The following RAD21 variants were observed in gnomAD, a reference collection of about 807,000 sequenced individuals.
RAD21 encodes the protein double-strand-break repair protein rad21 homolog.
Under a neutral mutation model 71.5 loss-of-function variants are expected in RAD21, and 18 were observed. The ratio of observed to expected loss-of-function variants is 0.25; its 90% confidence interval spans 0.17 to 0.37. The LOEUF (loss-of-function observed/expected upper bound fraction) is 0.37. Among genes scored for constraint, RAD21 ranks in the 10% least tolerant of loss-of-function variants. The probability of loss-of-function intolerance (pLI) is 1.00; values close to 1 mark genes in which losing one functional copy is unlikely to be tolerated. For synonymous variants in RAD21, 248 were observed against 254.0 expected, an observed-to-expected ratio of 0.98 and a Z score of 0.22; for missense variants, 493 against 769.1, an observed-to-expected ratio of 0.64 and a Z score of 4.25.
At position 116,858,452 on chromosome 8, in the gene RAD21, G is replaced by A. The variant is rs778317165; in HGVS notation, c.381C>T (p.Ile127=). The A allele has an allele frequency of 3.2e-5, 51 of 1,609,566 alleles. 1 individual carries two copies. Among genetic ancestry groups the A allele is most frequent in the African/African-American group, 8.0e-5 (6 of 74,700 alleles). Residue 127 remains isoleucine, a synonymous_variant, in exon 5 of 14, where the codon ATC becomes ATT. Transcript: ENST00000297338. ...TCAAGCTGAACTGCTGGGCCACATC[G>A]ATGTCACTTTAAAAGAAGGTCAAAT... ...FDQPLPDLDD[I]DVAQQFSLNQ...
chr8:116,856,362 G>C (rs2130467256), intron 7 of RAD21, 74 bp from the exon 8 acceptor site: 1 of 1,343,800 alleles, frequency 7.4e-7, no homozygotes, highest in Non-Finnish European at 9.7e-7. Flanking sequence ...AAATGGGGAG[G>C]AGAAAAATCT....
At chr8:116,852,214 A>C (rs1452723103) in intron 10 of RAD21, 118 bp from the exon 11 acceptor site, 2 of 1,005,162 alleles carry the variant, frequency 2.0e-6, no homozygotes, top group Non-Finnish European at 1.4e-6. Context: ...TTAATGAAGA[A>C]GGCCAGATAA....
At chr8:116,852,233 C>A in intron 10 of RAD21, 137 bp from the exon 11 acceptor site, 1 of 881,798 alleles carries the variant, frequency 1.1e-6, no homozygotes, top group Non-Finnish European at 1.6e-6. Context: ...AAAATTTTAG[C>A]TCCATAAAGA....
chr8:116,873,314 A>G (rs1256063247), intron 1 of RAD21, among the ~76,000 whole-genome samples: 2 of 152,216 alleles, frequency 1.3e-5, no homozygotes, highest in Middle Eastern at 3.2e-3. Context: ...TGTCACCTCA[A>G]CTATACAAAC....
intron 3 of RAD21, among the ~76,000 whole-genome samples, chr8:116,862,298 T>A (rs1812606938): frequency 6.9e-6 from 1 of 145,188 alleles, no homozygotes; most frequent in East Asian, 1.9e-4. Flanking sequence ...GGAGAAAGAA[T>A]TACACAATTT....
intron 8 of RAD21, 68 bp downstream of exon 8, chr8:116,856,098 G>GAA: frequency 6.5e-7 from 1 of 1,527,518 alleles, no homozygotes; most frequent in African/African-American, 1.4e-5. Flanking sequence ...CAGATCAGTA[G>GAA]ACAGGCAAAA....
chr8:116,857,473 C>T lies in RAD21; in HGVS notation c.482G>A (p.Gly161Asp). 6.2e-7 allele frequency: 1 copy of T among 1,611,398 alleles called. No homozygotes were observed. The highest frequency in any genetic ancestry group is 1.7e-5 in the Admixed American group (1 of 59,776). Residue 161 changes from glycine to aspartate, a missense_variant and splice_region_variant, in exon 6 of 14, where the codon GGT (glycine) becomes GAT (aspartate). Gly to Asp is a moderately conservative substitution (Grantham distance 94, BLOSUM62 -1). Coordinates refer to ENST00000297338, the MANE Select transcript of RAD21 (RefSeq NM_006265.3). ...CTCACGATCATCCATTCCAAAATCA[C>T]CTAAACAAATTTTAATTTGTCATTA... Reference protein sequence around the residue: ...NISILQENDFGDFGMDDREIM... With the variant: ...NISILQENDFDDFGMDDREIM...
chr8:116,863,130 C>T lies in RAD21; in HGVS notation c.274G>A (p.Gly92Ser). 6.2e-7 allele frequency: 1 copy of T among 1,600,030 alleles called. No homozygotes were observed. Among genetic ancestry groups the T allele is most frequent in the East Asian group, 2.2e-5 (1 of 44,710 alleles). ...AAAAACCAAACAAGTTTAACAATAC[C>T]TGGCCGAAAAGCCATCTTTATCTTA... ...FIKIKMAFRP[G>S]VVDLPEENRE... Residue 92 changes from glycine (G) to serine (S), a missense_variant and splice_region_variant, in exon 3 of 14, where the codon GGT (glycine) becomes AGT (serine). Gly to Ser is a moderately conservative substitution (Grantham distance 56). Coordinates refer to ENST00000297338, the MANE Select transcript of RAD21 (RefSeq NM_006265.3).
intron 6 of RAD21, 23 bp downstream of exon 6, chr8:116,857,244 G>A (rs1282842031): frequency 6.3e-7 from 1 of 1,580,928 alleles, no homozygotes; most frequent in East Asian, 2.2e-5. Flanking sequence ...GTTTATGCTG[G>A]AATAACCATC....
chr8:116,855,512 T>A (rs1218759512), intron 8 of RAD21, among the ~76,000 whole-genome samples: 1 of 152,156 alleles, frequency 6.6e-6, no homozygotes, highest in Non-Finnish European at 1.5e-5. Flanking sequence ...AAAAATTTCT[T>A]TTTTCAGAAT....
At chr8:116,852,118 G>C in intron 10 of RAD21, 22 bp from the exon 11 acceptor site, 2 of 1,584,964 alleles carry the variant, frequency 1.3e-6, no homozygotes, top group South Asian at 1.1e-5. Flanking sequence ...CATATGAAGA[G>C]AAAACATAGG....
chr8:116,871,388 T>C (rs1347085182), intron 1 of RAD21, among the ~76,000 whole-genome samples: 2 of 152,168 alleles, frequency 1.3e-5, no homozygotes, highest in African/African-American at 4.8e-5. Context: ...AAAATTAAAG[T>C]CTGATGTGAA....
chr8:116,866,947 G>A, intron 1 of RAD21, 186 bp from the exon 2 acceptor site: 2 of 391,562 alleles, frequency 5.1e-6, no homozygotes, highest in South Asian at 8.6e-5. Context: ...TTTTGAGAGA[G>A]GAAAAAAAAA....
intron 1 of RAD21, among the ~76,000 whole-genome samples, chr8:116,872,533 TATAC>T (rs1269100735): frequency 7.8e-6 from 1 of 128,284 alleles, no homozygotes; most frequent in Admixed American, 8.2e-5. Flanking sequence ...GATATATATA[TATAC>T]ATACACACAC....
At position 116,852,108 on chromosome 8, in the gene RAD21, C is replaced by A; in HGVS notation, c.1322-12G>T. On this transcript the variant is annotated splice_polypyrimidine_tract_variant and intron_variant, in intron 10 of 13. Coordinates refer to ENST00000297338, the MANE Select transcript of RAD21 (RefSeq NM_006265.3). ...AATAATGGGCTCATCTGCAATTGGT[C>A]ATATGAAGAGAAAACATAGGTCATA... 1 of 1,590,988 alleles carries A rather than the reference C, an allele frequency of 6.3e-7. No homozygotes were observed. The highest frequency in any genetic ancestry group is 1.1e-5 in the South Asian group (1 of 89,788).
At chr8:116,858,780 T>TA (rs1214442094) in intron 4 of RAD21, among the ~76,000 whole-genome samples, 2 of 152,148 alleles carry the variant, frequency 1.3e-5, no homozygotes, top group East Asian at 1.9e-4. Flanking sequence ...CCCTGCAACT[T>TA]ACAGGCGGTG....
At position 116,863,377 on chromosome 8, in the gene RAD21, T is replaced by C. The variant is rs1812628496; in HGVS notation, c.145-118A>G. ...TCACATACATTTCTCTGTCCTTACC[T>C]ATAAATTCCCTGAATATCGAATATC... On this transcript the variant is annotated intron_variant, in intron 2 of 13. Transcript: ENST00000297338. 2 of 1,089,170 alleles carry C rather than the reference T, an allele frequency of 1.8e-6. 1 individual carries two copies. The highest frequency in any genetic ancestry group is 4.0e-5 in the South Asian group (2 of 50,088). 67.5% of individuals were successfully genotyped at this position (1,089,170 alleles called of 1,614,324 possible).
chr8:116,874,030 A>C (rs1231850408), intron 1 of RAD21: 1 of 152,426 alleles, frequency 6.6e-6, no homozygotes, highest in Non-Finnish European at 1.5e-5. Flanking sequence ...ACGGGAGGGC[A>C]GCAGCAGTCA....
chr8:116,852,256 T>G, intron 10 of RAD21, 160 bp from the exon 11 acceptor site: 2 of 741,116 alleles, frequency 2.7e-6, no homozygotes, highest in Non-Finnish European at 4.2e-6. Flanking sequence ...TACTCAATTT[T>G]TAGCAATATA....
Sources: allele counts gnomAD v4.1 joint callset (sites outside exome capture counted in the v4.1 genomes callset), GRCh38; gene constraint gnomAD v4.1.1; transcripts MANE v1.5; gene names NCBI Gene and HGNC (gene_info 2026-07-23, HGNC 2026-07-21).